The following AHI1 variants were observed in gnomAD, a reference collection of about 807,000 sequenced individuals.
The protein encoded by AHI1 is jouberin.
In AHI1, 123 loss-of-function variants were observed where a neutral mutation model predicts 149.3. The ratio of observed to expected loss-of-function variants is 0.82; its 90% CI spans 0.71 to 0.96. The LOEUF (loss-of-function observed/expected upper bound fraction) is 0.96, where lower values mean the gene tolerates loss of function less well. Ranked by LOEUF, AHI1 falls within the 40% of genes least tolerant of loss-of-function variation. The pLI is 0.00. For missense variants in AHI1, 1,439 were observed against 1,422.7 expected (o/e 1.01, Z -0.18); for synonymous variants, 475 against 459.8 (o/e 1.03, Z -0.42).
Position 135,466,189 on chromosome 6 carries a change from G to A in AHI1, c.374C>T (p.Pro125Leu), listed in dbSNP as rs1477562833. ...ASVEEDKQGK[P>L]NKKVIKTVPQ... Reference sequence around the variant, plus strand: ...CACCGTCTTTATCACCTTTTTATTTGGCTTTCCTTGTTTGTCTTCCTCTAC... The same window carrying A: ...CACCGTCTTTATCACCTTTTTATTTAGCTTTCCTTGTTTGTCTTCCTCTAC... The change falls in exon 7 of 29, where the codon CCA becomes CTA. Residue 125 changes from proline to leucine, a missense_variant. Coordinates refer to ENST00000265602, the MANE Select transcript of AHI1 (RefSeq NM_001134831.2). 1 of 1,613,574 alleles carries A rather than the reference G, an allele frequency of 6.2e-7. No individual in the cohort carries two copies. Among genetic ancestry groups the A allele is most frequent in the Non-Finnish European group, 8.5e-7 (1 of 1,179,808 alleles).
Position 135,492,227 on chromosome 6 carries a change from C to G in AHI1, c.10+1G>C. ...ATACATAAATTTCATAGAAGTCTTA[C>G]CTGTAGGCATCTCTCAGCTTTATGC... On this transcript the variant is annotated splice_donor_variant, in intron 4 of 28. Coordinates refer to ENST00000265602, the MANE Select transcript of AHI1 (RefSeq NM_001134831.2). LOFTEE classifies it high-confidence loss of function. The G allele has an allele frequency of 6.5e-7, 1 of 1,531,746 alleles. No individual in the cohort carries two copies. The highest frequency in any genetic ancestry group is 8.8e-7 in the Non-Finnish European group (1 of 1,136,014). The allele number at this position is 1,531,746 out of a possible 1,614,324, so 94.9% of individuals were successfully genotyped here. A position where few individuals can be genotyped will look rare whatever the true frequency, so the allele number is the denominator to read the frequency against.
intron 5 of AHI1, among the ~76,000 whole-genome samples, chr6:135,484,082 G>GA: frequency 1.3e-5 from 2 of 151,848 alleles, no homozygotes; most frequent in African/African-American, 4.9e-5. Flanking sequence ...ATCTTACATG[G>GA]ATGGTGGCAG....
Position 135,467,776 on chromosome 6 carries a change from G to A in AHI1, c.136-142C>T, listed in dbSNP as rs189971588. 418 of 539,044 alleles carry A rather than the reference G, an allele frequency of 7.8e-4. 1 individual carries two copies. The highest frequency in any genetic ancestry group is 2.8e-3 in the Middle Eastern group (9 of 3,194). The allele number at this position is 539,044 out of a possible 1,614,324, so 33.4% of individuals were successfully genotyped here. A position where few individuals can be genotyped will look rare whatever the true frequency, so the allele number is the denominator to read the frequency against. On this transcript the variant is annotated intron_variant, in intron 5 of 28. Transcript: ENST00000265602. ...CTGGACATAGTGATACTATCTTAGA[G>A]CATTTGATGAGTACTCTCATAATTT...
At chr6:135,361,651 A>T (rs1315017763) in intron 23 of AHI1, among the ~76,000 whole-genome samples, 169 of 53,046 alleles carry the variant, frequency 3.2e-3, no homozygotes, top group Middle Eastern at 0.018. Context: ...GGTTTCACAC[A>T]CACACACACA....
At chr6:135,303,167 T>C (rs1172348427) in intron 26 of AHI1, among the ~76,000 whole-genome samples, 1 of 152,202 alleles carries the variant, frequency 6.6e-6, no homozygotes, top group Non-Finnish European at 1.5e-5. Flanking sequence ...TATGTGGAAA[T>C]TTATAAGGAA....
intron 3 of AHI1, among the ~76,000 whole-genome samples, chr6:135,493,343 T>A (rs1204031694): frequency 1.3e-5 from 2 of 152,170 alleles, no homozygotes; most frequent in African/African-American, 4.8e-5. Context: ...ACATCCACAT[T>A]CATGTTCCTC....
intron 26 of AHI1, among the ~76,000 whole-genome samples, chr6:135,313,668 C>G (rs537537557): frequency 2.6e-4 from 40 of 152,274 alleles, no homozygotes; most frequent in African/African-American, 9.4e-4. Flanking sequence ...GACTATGATG[C>G]AGTGAGTCCA....
Position 135,324,602 on chromosome 6 carries a change from G to A in AHI1, c.3166-1278C>T, listed in dbSNP as rs574953768. 4.3e-4 allele frequency among the ~76,000 whole-genome samples: 65 copies of A among 150,956 alleles called. 1 individual carries two copies. The highest frequency in any genetic ancestry group is 1.5e-3 in the African/African-American group (60 of 40,948). Reference sequence around the variant, plus strand: ...TAGCATGTCTCAGTGTGCACAGCACGTGAGAGTCCAGGGAAGAGAAACCTA... The same window carrying A: ...TAGCATGTCTCAGTGTGCACAGCACATGAGAGTCCAGGGAAGAGAAACCTA... On this transcript the variant is annotated intron_variant, in intron 24 of 28. Transcript: ENST00000265602.
chr6:135,442,478 G>C, intron 14 of AHI1, 104 bp downstream of exon 14: 2 of 1,262,984 alleles, frequency 1.6e-6, no homozygotes, highest in Non-Finnish European at 2.1e-6. Context: ...TAATTTAGTA[G>C]TACAGGGGAT....
chr6:135,421,374 A>C (rs1351906717), intron 20 of AHI1, among the ~76,000 whole-genome samples: 1 of 151,992 alleles, frequency 6.6e-6, no homozygotes, highest in African/African-American at 2.4e-5. Flanking sequence ...AAGCACAATA[A>C]AGCAAACACC....
intron 23 of AHI1, among the ~76,000 whole-genome samples, chr6:135,383,315 A>T (rs1404852119): frequency 7.3e-6 from 1 of 136,952 alleles, no homozygotes; most frequent in Admixed American, 8.6e-5. Flanking sequence ...CTGCAGCCTC[A>T]ACCTCCTGGG....
At chr6:135,307,070 G>T (rs1479790200) in intron 26 of AHI1, 1 of 152,120 alleles carries the variant, frequency 6.6e-6, no homozygotes, top group Non-Finnish European at 1.5e-5. Context: ...GCTTAAAAAC[G>T]CCTATAGCAA....
At chr6:135,443,765 A>T (rs1222872871) in intron 13 of AHI1, among the ~76,000 whole-genome samples, 1 of 151,970 alleles carries the variant, frequency 6.6e-6, no homozygotes, top group East Asian at 1.9e-4. Context: ...CATGTACCAG[A>T]CTCCATGCTC....
intron 5 of AHI1, among the ~76,000 whole-genome samples, chr6:135,468,962 T>C (rs893589794): frequency 6.6e-6 from 1 of 152,152 alleles, no homozygotes; most frequent in Non-Finnish European, 1.5e-5. Context: ...ACTAAAACTA[T>C]TCCAAATAAT....
intron 10 of AHI1, 108 bp from the exon 11 acceptor site, chr6:135,453,544 C>A (rs957008545): frequency 1.3e-6 from 1 of 785,282 alleles, no homozygotes; most frequent in South Asian, 1.8e-5. Context: ...AAACATTAAC[C>A]TTTACAGGGA....
In AHI1 at chr6:135,415,522, T is replaced by C. The variant is rs111701505; in HGVS notation, c.2765-3978A>G. Among the ~76,000 whole-genome samples, 1,437 of 152,312 alleles carry C rather than the reference T, an allele frequency of 9.4e-3. 20 individuals carry two copies. The highest frequency in any genetic ancestry group is 0.032 in the African/African-American group (1,343 of 41,568). On this transcript the variant is annotated intron_variant, in intron 20 of 28. Transcript: ENST00000265602. ...ATTGCCAAGATTGGCCATTTCAAAG[T>C]TGGCAAGTACACTGATATACTAATG...
rs747517622 is a variant in AHI1 at position 135,302,759 on chromosome 6, G to T, written c.3427-2201C>A. 11 of 1,288,206 alleles carry T rather than the reference G, an allele frequency of 8.5e-6. No homozygotes were observed. The South Asian group carries it at 1.4e-4, about 16-fold the overall frequency. 79.8% of individuals were successfully genotyped at this position (1,288,206 alleles called of 1,614,324 possible). On this transcript the variant is annotated intron_variant, in intron 26 of 28. Transcript: ENST00000265602. ...GCACGTCATATAGGTAGTTACTCAT[G>T]GAGGCAGAAGCAGGGGGAAGAAGGA...
At chr6:135,373,272 T>C (rs908040558) in intron 23 of AHI1, among the ~76,000 whole-genome samples, 6 of 152,220 alleles carry the variant, frequency 3.9e-5, no homozygotes, top group Non-Finnish European at 7.3e-5. Context: ...ATTTTTACCA[T>C]TGTATTACAA....
Position 135,351,142 on chromosome 6 carries a change from A to C in AHI1, c.3165+6990T>G, listed in dbSNP as rs929446082. Among the ~76,000 whole-genome samples, 33 of 148,258 alleles carry C rather than the reference A, an allele frequency of 2.2e-4. 1 individual carries two copies. The highest frequency in any genetic ancestry group is 8.7e-4 in the African/African-American group (33 of 37,892). On this transcript the variant is annotated intron_variant, in intron 24 of 28. Coordinates refer to ENST00000265602, the MANE Select transcript of AHI1 (RefSeq NM_001134831.2). ...CATAAATAAAACAAAAAACAAAAAA[A>C]ACAAAAAAAAAAAAAGAAAGAAAAT...
Sources: gnomAD v4.1 joint callset for allele counts (sites outside exome capture counted in the v4.1 genomes callset) on GRCh38, gnomAD v4.1.1 for gene constraint, MANE v1.5 for transcripts, NCBI Gene and HGNC (gene_info 2026-07-23, HGNC 2026-07-21) for gene names.